Variants in EDIL3 observed in about 807,000 individuals in gnomAD.
The protein encoded by EDIL3 is EGF-like repeat and discoidin I-like domain-containing protein 3.
EDIL3 carries 37 observed loss-of-function variants against 67.4 expected under a neutral mutation model. That is an observed-to-expected ratio of 0.55 (90% CI 0.42 to 0.72). The LOEUF (loss-of-function observed/expected upper bound fraction) is 0.72. Among genes scored for constraint, EDIL3 ranks in the 30% least tolerant of loss-of-function variants. The pLI, the probability that EDIL3 is intolerant of heterozygous loss-of-function variation, is 0.00. For missense variants in EDIL3, 527 were observed against 586.3 expected (o/e 0.90, Z 1.04); for synonymous variants, 195 against 196.3 (o/e 0.99, Z 0.05).
chr5:84,210,747 T>C (rs1744102097), intron 3 of EDIL3, among the ~76,000 whole-genome samples: 1 of 152,214 alleles, frequency 6.6e-6, no homozygotes, highest in Non-Finnish European at 1.5e-5. Flanking sequence ...CTACAGGCTG[T>C]ATGTATGGTA....
At chr5:84,234,205 A>AT (rs1349724685) in intron 2 of EDIL3, among the ~76,000 whole-genome samples, 2 of 152,202 alleles carry the variant, frequency 1.3e-5, no homozygotes, top group East Asian at 3.9e-4. Flanking sequence ...TCAGTGCTTT[A>AT]TTTTTCCAGG....
chr5:84,061,342 T>C (rs759288688), intron 8 of EDIL3, among the ~76,000 whole-genome samples: 12 of 152,172 alleles, frequency 7.9e-5, no homozygotes, highest in Non-Finnish European at 1.8e-4. Context: ...TTTGTGTGTG[T>C]ATACATAGAC....
chr5:83,994,105 A>C (rs529876994), intron 9 of EDIL3, among the ~76,000 whole-genome samples: 3 of 152,260 alleles, frequency 2.0e-5, no homozygotes, highest in Non-Finnish European at 4.4e-5. Flanking sequence ...GCAATTGTTT[A>C]TATTTCTCCA....
intron 8 of EDIL3, among the ~76,000 whole-genome samples, chr5:84,063,479 C>A (rs1746579085): frequency 6.6e-6 from 1 of 152,008 alleles, no homozygotes; most frequent in African/African-American, 2.4e-5. Context: ...AAAAATACAC[C>A]AACATAGAAT....
At chr5:84,035,982 C>T (rs537537732) in intron 9 of EDIL3, among the ~76,000 whole-genome samples, 2 of 152,126 alleles carry the variant, frequency 1.3e-5, no homozygotes, top group Non-Finnish European at 2.9e-5. Context: ...AGAATCTAGT[C>T]CTAGAATTCA....
At chr5:84,031,803 G>A (rs1269406149) in intron 9 of EDIL3, among the ~76,000 whole-genome samples, 1 of 152,176 alleles carries the variant, frequency 6.6e-6, no homozygotes, top group African/African-American at 2.4e-5. Flanking sequence ...AAAGACACCA[G>A]ACAAGCTCTA....
chr5:84,059,296 G>C (rs1286311158), intron 9 of EDIL3, among the ~76,000 whole-genome samples: 1 of 152,022 alleles, frequency 6.6e-6, no homozygotes, highest in Non-Finnish European at 1.5e-5. Context: ...CTAGCTATTT[G>C]GTAGGCTGAG....
chr5:84,366,483 A>T (rs1747737136), intron 1 of EDIL3, among the ~76,000 whole-genome samples: 1 of 152,126 alleles, frequency 6.6e-6, no homozygotes. Flanking sequence ...TTACTTCTTT[A>T]CTTCATAGTT....
At chr5:83,966,870 A>G (rs1744699959) in intron 9 of EDIL3, among the ~76,000 whole-genome samples, 1 of 152,138 alleles carries the variant, frequency 6.6e-6, no homozygotes, top group East Asian at 1.9e-4. Flanking sequence ...GATACAGAGA[A>G]ATGGGTGACT....
intron 1 of EDIL3, among the ~76,000 whole-genome samples, chr5:84,303,037 T>C (rs527548174): frequency 6.1e-4 from 93 of 152,356 alleles, no homozygotes; most frequent in African/African-American, 2.2e-3. Flanking sequence ...CATTCCTTGT[T>C]GTATCTAGAA....
chr5:84,238,559 T>C (rs1744723867), intron 2 of EDIL3, among the ~76,000 whole-genome samples: 1 of 151,938 alleles, frequency 6.6e-6, no homozygotes, highest in South Asian at 2.1e-4. Context: ...TTCTGCTTGA[T>C]TACGTAGAGC....
chr5:83,950,393 C>T (rs1217998385), intron 10 of EDIL3, among the ~76,000 whole-genome samples: 2 of 151,790 alleles, frequency 1.3e-5, no homozygotes, highest in African/African-American at 4.8e-5. Context: ...CAGGTTTCAT[C>T]TAAGTTTTGT....
chr5:84,011,167 T>A (rs1323407726), intron 9 of EDIL3, among the ~76,000 whole-genome samples: 2 of 152,204 alleles, frequency 1.3e-5, no homozygotes, highest in African/African-American at 4.8e-5. Context: ...TTTCACATTA[T>A]CTGTGTCTTT....
intron 5 of EDIL3, among the ~76,000 whole-genome samples, chr5:84,116,444 C>A (rs1024435263): frequency 6.6e-6 from 1 of 152,088 alleles, no homozygotes. Flanking sequence ...GTAATACCTG[C>A]ATAATCAGAA....
At chr5:84,331,943 A>C (rs1746881337) in intron 1 of EDIL3, among the ~76,000 whole-genome samples, 1 of 152,184 alleles carries the variant, frequency 6.6e-6, no homozygotes, top group Non-Finnish European at 1.5e-5. Flanking sequence ...GCAAATTGGC[A>C]ATTATGTTGT....
chr5:84,120,556 C>G (rs1361476756), intron 5 of EDIL3, among the ~76,000 whole-genome samples: 1 of 151,930 alleles, frequency 6.6e-6, no homozygotes, highest in Non-Finnish European at 1.5e-5. Flanking sequence ...CTAAAAAGAG[C>G]AATTTTTTTC....
At chr5:84,326,137 G>T (rs577937608) in intron 1 of EDIL3, among the ~76,000 whole-genome samples, 1 of 152,094 alleles carries the variant, frequency 6.6e-6, no homozygotes, top group Non-Finnish European at 1.5e-5. Context: ...GCCCTCTCTT[G>T]ATCTCTCTTC....
intron 2 of EDIL3, among the ~76,000 whole-genome samples, chr5:84,238,112 T>C (rs1464979701): frequency 6.6e-6 from 1 of 152,080 alleles, no homozygotes; most frequent in African/African-American, 2.4e-5. Flanking sequence ...AATTTAAAGA[T>C]AGAAAATTAC....
chr5:84,235,912 TG>T (rs1299546329), intron 2 of EDIL3, among the ~76,000 whole-genome samples: 1 of 152,028 alleles, frequency 6.6e-6, no homozygotes, highest in Non-Finnish European at 1.5e-5. Flanking sequence ...GATTATCTCA[TG>T]AAAAATTAAA....
Sources: allele counts gnomAD v4.1 joint callset (sites outside exome capture counted in the v4.1 genomes callset), GRCh38; gene constraint gnomAD v4.1.1; transcripts MANE v1.5; gene names NCBI Gene and HGNC (gene_info 2026-07-23, HGNC 2026-07-21).